Variants in TMEM132C observed in about 807,000 individuals in gnomAD.
The protein encoded by TMEM132C is protein phosphatase 1, regulatory subunit 152.
TMEM132C carries 29 observed loss-of-function variants against 61.4 expected under a neutral mutation model. The observed-to-expected ratio is 0.47, with a 90% CI of 0.35 to 0.64. The LOEUF (loss-of-function observed/expected upper bound fraction) is 0.64, where lower values mean the gene tolerates loss of function less well. Among genes scored for constraint, TMEM132C ranks in the 30% least tolerant of loss-of-function variants. The probability of loss-of-function intolerance (pLI) is 0.00; values close to 1 mark genes in which losing one functional copy is unlikely to be tolerated. For synonymous variants in TMEM132C, 656 were observed against 633.1 expected (o/e 1.04, Z -0.54); for missense variants, 1,408 against 1,476.9 (o/e 0.95, Z 0.76).
chr12:128,574,501 C>T (rs1008493594), intron 3 of TMEM132C, among the ~76,000 whole-genome samples: 4 of 152,214 alleles, frequency 2.6e-5, no homozygotes, highest in Admixed American at 6.5e-5. Flanking sequence ...TCCGTCGTGG[C>T]GGCACTGCTG....
rs962657359 is a variant in TMEM132C, at chr12:128,415,474, G to T, written c.828G>T (p.Arg276=). ...LQRIGTVGLY[R]AQDSAQLSEL... ...GGATCGGCACCGTCGGCCTTTACCG[G>T]GCCCAGGACAGCGCCCAGCTCAGCG... Residue 276 remains arginine (R), a synonymous_variant, in exon 2 of 9, where the codon CGG becomes CGT. Coordinates refer to ENST00000435159, the MANE Select transcript of TMEM132C (RefSeq NM_001136103.3). This position sits in a 1 kb window ranked among gnomAD's most constrained non-coding sequence, Gnocchi z 5.8. The T allele has an allele frequency of 1.9e-6, 3 of 1,551,620 alleles. No homozygotes were observed. The highest frequency in any genetic ancestry group is 1.7e-4 in the Middle Eastern group (1 of 5,992).
chr12:128,605,669 G>A (rs749708640), intron 3 of TMEM132C, among the ~76,000 whole-genome samples: 3 of 152,262 alleles, frequency 2.0e-5, no homozygotes, highest in South Asian at 2.1e-4. Context: ...CTGAGGCATC[G>A]GCTGAGGAGA....
At chr12:128,344,410 G>A (rs935178856) in intron 1 of TMEM132C, among the ~76,000 whole-genome samples, 6 of 152,046 alleles carry the variant, frequency 3.9e-5, no homozygotes, top group South Asian at 2.1e-4. Flanking sequence ...CACCCGCCTC[G>A]GCCTCCCAAA....
intron 4 of TMEM132C, among the ~76,000 whole-genome samples, chr12:128,661,073 CAG>C (rs2135620833): frequency 6.9e-6 from 1 of 144,736 alleles, no homozygotes; most frequent in South Asian, 2.2e-4. Context: ...AATAGATAGA[CAG>C]ATGATTGATA....
chr12:128,444,580 G>A (rs1297464903), intron 2 of TMEM132C, among the ~76,000 whole-genome samples: 1 of 152,124 alleles, frequency 6.6e-6, no homozygotes, highest in Non-Finnish European at 1.5e-5. Context: ...ACTTGGGAAG[G>A]GATGTGTGTA....
chr12:128,604,817 G>A (rs573978549), intron 3 of TMEM132C, among the ~76,000 whole-genome samples: 1 of 148,588 alleles, frequency 6.7e-6, no homozygotes, highest in South Asian at 2.1e-4. Context: ...TGGATGGATG[G>A]ATGGATGGAT....
At chr12:128,523,833 C>A (rs1465126294) in intron 2 of TMEM132C, among the ~76,000 whole-genome samples, 1 of 147,020 alleles carries the variant, frequency 6.8e-6, no homozygotes, top group African/African-American at 2.5e-5. Context: ...AAAAAAGAGA[C>A]CCTGTCTCTA....
At chr12:128,441,738 G>T (rs1053056287) in intron 2 of TMEM132C, among the ~76,000 whole-genome samples, 3 of 152,176 alleles carry the variant, frequency 2.0e-5, no homozygotes, top group African/African-American at 7.2e-5. Context: ...TGATTTAAAT[G>T]GCATTAGCCA....
chr12:128,550,797 T>G (rs1343112975), intron 3 of TMEM132C, among the ~76,000 whole-genome samples: 6 of 152,246 alleles, frequency 3.9e-5, no homozygotes, highest in Admixed American at 1.3e-4. Flanking sequence ...ATCCTGAACC[T>G]GCTTCCGTCA....
intron 2 of TMEM132C, among the ~76,000 whole-genome samples, chr12:128,516,603 A>G (rs57870255): frequency 2.6e-3 from 19 of 7,302 alleles, no homozygotes; most frequent in Admixed American, 0.011. Flanking sequence ...CAAAGGAGGG[A>G]AAAAAAAAAC....
chr12:128,278,406 G>A lies in TMEM132C; in HGVS notation c.85+10919G>A, dbSNP rs532618514. On this transcript the variant is annotated intron_variant, in intron 1 of 8. Coordinates refer to ENST00000435159, the MANE Select transcript of TMEM132C (RefSeq NM_001136103.3). This position sits in a 1 kb window ranked among gnomAD's most constrained non-coding sequence, Gnocchi z 4.2. ...TTCAAACTCAGTGTTTTCATCTGTCGTGTTCATATCCTATTAACTAAATGA... is the reference window on the plus strand; with the variant it reads ...TTCAAACTCAGTGTTTTCATCTGTCATGTTCATATCCTATTAACTAAATGA... 1.6e-3 allele frequency among the ~76,000 whole-genome samples: 249 copies of A among 152,224 alleles called. No individual in the cohort carries two copies. The highest frequency in any genetic ancestry group is 2.6e-3 in the Admixed American group (40 of 15,288).
At chr12:128,283,968 G>T (rs1870978417) in intron 1 of TMEM132C, among the ~76,000 whole-genome samples, 1 of 152,186 alleles carries the variant, frequency 6.6e-6, no homozygotes, top group South Asian at 2.1e-4. Flanking sequence ...CATCCAGTTT[G>T]TATCTTCAGT....
intron 2 of TMEM132C, among the ~76,000 whole-genome samples, chr12:128,417,349 C>G (rs1683724): frequency 0.86 from 131,066 of 152,178 alleles, 57,758 homozygotes; most frequent in South Asian, 0.98. Flanking sequence ...TAGCGTCTAC[C>G]AGGGTGAGCA....
chr12:128,387,605 T>G (rs1009688690), intron 1 of TMEM132C, among the ~76,000 whole-genome samples: 2 of 150,210 alleles, frequency 1.3e-5, no homozygotes, highest in Non-Finnish European at 3.0e-5. Flanking sequence ...AGGTCAGGAG[T>G]TCAAGACCAG....
At chr12:128,633,702 G>A (rs1954079959) in intron 4 of TMEM132C, among the ~76,000 whole-genome samples, 1 of 152,226 alleles carries the variant, frequency 6.6e-6, no homozygotes, top group Non-Finnish European at 1.5e-5. Context: ...TTTGGGAAGA[G>A]TCTTTAATTC....
At chr12:128,585,079 G>A (rs1875491242) in intron 3 of TMEM132C, among the ~76,000 whole-genome samples, 1 of 152,204 alleles carries the variant, frequency 6.6e-6, no homozygotes, top group Admixed American at 6.5e-5. Context: ...GAATGCATCA[G>A]CAACTGATGG....
intron 5 of TMEM132C, among the ~76,000 whole-genome samples, chr12:128,675,875 AG>A (rs1954580918): frequency 2.0e-5 from 2 of 98,770 alleles, no homozygotes; most frequent in African/African-American, 5.3e-5. Context: ...ATAGATAGAT[AG>A]ATAGATAAAT....
At chr12:128,310,991 C>T (rs1871946436) in intron 1 of TMEM132C, among the ~76,000 whole-genome samples, 1 of 151,902 alleles carries the variant, frequency 6.6e-6, no homozygotes, top group African/African-American at 2.4e-5. Flanking sequence ...CACATGTACC[C>T]TTCAACTATG....
chr12:128,412,317 T>A (rs1291935876), intron 1 of TMEM132C, among the ~76,000 whole-genome samples: 1 of 152,184 alleles, frequency 6.6e-6, no homozygotes, highest in Non-Finnish European at 1.5e-5. Flanking sequence ...CAGCCCCCTT[T>A]ATTTCTGCCT....
Sources: gnomAD v4.1 joint callset for allele counts (sites outside exome capture counted in the v4.1 genomes callset) on GRCh38, gnomAD v4.1.1 for gene constraint, Gnocchi (gnomAD v3.1) non-coding constraint, MANE v1.5 for transcripts, NCBI Gene and HGNC (gene_info 2026-07-23, HGNC 2026-07-21) for gene names.